Variants in PPP1R12B observed in about 807,000 individuals in gnomAD.
PPP1R12B encodes myosin phosphatase target subunit 2.
In PPP1R12B, 76 loss-of-function variants were observed where a neutral mutation model predicts 126.1. The ratio of observed to expected loss-of-function variants is 0.60; its 90% confidence interval spans 0.50 to 0.73. The LOEUF is 0.73. Among genes scored for constraint, PPP1R12B ranks in the 30% least tolerant of loss-of-function variants. PPP1R12B has a pLI of 0.00. For synonymous variants in PPP1R12B, 356 were observed against 434.7 expected (o/e 0.82, Z 2.25); for missense variants, 1,052 against 1,205.1 (o/e 0.87, Z 1.88).
At chr1:202,548,808 CTATATATATA>C (rs370219273) in intron 18 of PPP1R12B, among the ~76,000 whole-genome samples, 1,730 of 72,934 alleles carry the variant, frequency 0.024, 26 homozygotes, top group Non-Finnish European at 0.029. Flanking sequence ...CTCTCTCTCT[CTATATATATA>C]TATATATATA....
chr1:202,427,787 G>A (rs930232299), intron 5 of PPP1R12B, among the ~76,000 whole-genome samples: 1 of 152,040 alleles, frequency 6.6e-6, no homozygotes, highest in African/African-American at 2.4e-5. Context: ...TGGGACTACA[G>A]GCACACGCCG....
chr1:202,406,298 A>G (rs763106583), intron 1 of PPP1R12B, among the ~76,000 whole-genome samples: 2 of 152,242 alleles, frequency 1.3e-5, no homozygotes, highest in Non-Finnish European at 2.9e-5. Context: ...ATCCAGACTC[A>G]TGCTAATAAA....
At chr1:202,359,218 C>G (rs1657687747) in intron 1 of PPP1R12B, among the ~76,000 whole-genome samples, 1 of 151,920 alleles carries the variant, frequency 6.6e-6, no homozygotes, top group African/African-American at 2.4e-5. Context: ...GATCTTGGCC[C>G]ACTGCAACCT....
In PPP1R12B at chr1:202,587,289, TAG is replaced by T. The variant is rs955136444; in HGVS notation, c.*6734_*6735del. The T allele has an allele frequency of 3.9e-5, 6 of 152,178 alleles. No individual in the cohort carries two copies. Among genetic ancestry groups the T allele is most frequent in the Non-Finnish European group, 8.8e-5 (6 of 68,046 alleles). 9.4% of individuals were successfully genotyped at this position (152,178 alleles called of 1,614,324 possible). On this transcript the variant is annotated 3_prime_UTR_variant, in exon 24 of 24. Transcript: ENST00000608999. ...TTCTCACTTGGAGCCGAGGGTGCTTTAGAGAGGTGGTTTTCCATGAATCAGCC... is the reference window on the plus strand; with the variant it reads ...TTCTCACTTGGAGCCGAGGGTGCTTTAGAGGTGGTTTTCCATGAATCAGCC...
intron 6 of PPP1R12B, 132 bp from the exon 7 acceptor site, chr1:202,430,599 G>A (rs778336543): frequency 6.5e-5 from 52 of 798,264 alleles, no homozygotes; most frequent in Non-Finnish European, 8.5e-5. Context: ...TCTTTTTCTC[G>A]GGTTCCCCAC....
intron 18 of PPP1R12B, among the ~76,000 whole-genome samples, chr1:202,503,574 G>A (rs552433427): frequency 3.5e-4 from 53 of 152,268 alleles, no homozygotes; most frequent in African/African-American, 1.1e-3. Context: ...TGACCACGAA[G>A]AGAATGAATG....
chr1:202,502,078 A>G, intron 18 of PPP1R12B: 8 of 985,708 alleles, frequency 8.1e-6, no homozygotes, highest in Non-Finnish European at 8.4e-6. Flanking sequence ...TATTGCTTTT[A>G]GATAAATCAG....
chr1:202,450,343 G>T (rs192857625), intron 13 of PPP1R12B, among the ~76,000 whole-genome samples: 1 of 152,310 alleles, frequency 6.6e-6, no homozygotes, highest in East Asian at 1.9e-4. Flanking sequence ...ATTTAAGGTA[G>T]AAGCTAAGAA....
At chr1:202,552,935 G>A (rs1471693694) in intron 18 of PPP1R12B, among the ~76,000 whole-genome samples, 1 of 152,132 alleles carries the variant, frequency 6.6e-6, no homozygotes, top group Non-Finnish European at 1.5e-5. Flanking sequence ...CAAGTTAAAA[G>A]TTTTTGTGGG....
chr1:202,461,370 C>CT (rs1278523192), intron 13 of PPP1R12B, among the ~76,000 whole-genome samples: 3 of 152,140 alleles, frequency 2.0e-5, no homozygotes, highest in Admixed American at 1.3e-4. Flanking sequence ...TTTCCCAAAT[C>CT]TATCTCATGG....
chr1:202,549,359 C>A (rs774644794), intron 18 of PPP1R12B, among the ~76,000 whole-genome samples: 2 of 152,102 alleles, frequency 1.3e-5, no homozygotes, highest in African/African-American at 4.8e-5. Context: ...TTCCTAACTA[C>A]CCCTTTTTAT....
At chr1:202,378,720 C>T (rs538861809) in intron 1 of PPP1R12B, among the ~76,000 whole-genome samples, 4 of 152,128 alleles carry the variant, frequency 2.6e-5, no homozygotes, top group African/African-American at 7.2e-5. Context: ...CCTGGTGATC[C>T]GCCCACCTCG....
intron 13 of PPP1R12B, among the ~76,000 whole-genome samples, chr1:202,454,838 C>G (rs536954804): frequency 6.6e-6 from 1 of 152,112 alleles, no homozygotes; most frequent in East Asian, 1.9e-4. Context: ...GGGAAGAGCT[C>G]TTGAGCCCCG....
intron 23 of PPP1R12B, 52 bp from the exon 24 acceptor site, chr1:202,580,422 C>T (rs1689481806): frequency 6.7e-7 from 1 of 1,485,750 alleles, no homozygotes; most frequent in Non-Finnish European, 9.4e-7. Flanking sequence ...CAGGGAGGGC[C>T]AAGGAGGATC....
At chr1:202,558,157 G>A (rs1687146507) in intron 18 of PPP1R12B, among the ~76,000 whole-genome samples, 1 of 151,690 alleles carries the variant, frequency 6.6e-6, no homozygotes. Context: ...AAAAGGGATA[G>A]GAGGGTAAAG....
chr1:202,349,288 G>C (rs1655476349), intron 1 of PPP1R12B, 146 bp downstream of exon 1: 1 of 963,336 alleles, frequency 1.0e-6, no homozygotes, highest in African/African-American at 1.7e-5. Context: ...TTCATTCTTG[G>C]CCAGCTTCCT....
intron 1 of PPP1R12B, among the ~76,000 whole-genome samples, chr1:202,370,787 C>T (rs1660091022): frequency 6.6e-6 from 1 of 152,116 alleles, no homozygotes; most frequent in South Asian, 2.1e-4. Flanking sequence ...ATCCACCTGC[C>T]TCAGCCTCCT....
intron 1 of PPP1R12B, among the ~76,000 whole-genome samples, chr1:202,398,740 A>G (rs1409874003): frequency 1.3e-5 from 2 of 152,150 alleles, no homozygotes; most frequent in Non-Finnish European, 2.9e-5. Context: ...GGCAAGGGTA[A>G]TGTCTTATGT....
chr1:202,368,036 C>T (rs1352806265), intron 1 of PPP1R12B, among the ~76,000 whole-genome samples: 1 of 151,816 alleles, frequency 6.6e-6, no homozygotes, highest in Non-Finnish European at 1.5e-5. Context: ...GTGGTGTGAT[C>T]TCAGCTCACT....
Sources: gnomAD v4.1 joint callset for allele counts (sites outside exome capture counted in the v4.1 genomes callset) on GRCh38, gnomAD v4.1.1 for gene constraint, MANE v1.5 for transcripts, NCBI Gene and HGNC (gene_info 2026-07-23, HGNC 2026-07-21) for gene names.